Variants in DMPK observed in about 807,000 individuals in gnomAD.
DMPK encodes myotonin-protein kinase.
Under a neutral mutation model 70.3 loss-of-function variants are expected in DMPK, and 32 were observed. The observed-to-expected ratio is 0.46, with a 90% CI of 0.34 to 0.61. DMPK has a LOEUF of 0.61. Among genes scored for constraint, DMPK ranks in the 20% least tolerant of loss-of-function variants. The probability of loss-of-function intolerance (pLI) is 0.01; values close to 1 mark genes in which losing one functional copy is unlikely to be tolerated. For synonymous variants in DMPK, 469 were observed against 390.9 expected (o/e 1.20, Z -2.36); for missense variants, 899 against 886.0 (o/e 1.01, Z -0.19).
intron 12 of DMPK, 38 bp from the exon 13 acceptor site, chr19:45,771,434 G>A: frequency 2.5e-6 from 4 of 1,611,270 alleles, no homozygotes; most frequent in South Asian, 1.1e-5. Flanking sequence ...CGCGTGGAGG[G>A]GCGAAGGAGG....
In DMPK at chr19:45,779,444, C is replaced by T. The variant is rs971014143; in HGVS notation, c.331G>A (p.Gly111Ser). ...ACGTCCGCCCAGCCCCTCACCTCGC[C>T]CCTCTTCAGCATGTCCCACTTGTTC... Reference protein sequence around the residue: ...IMNKWDMLKRGEVSCFREERD... With the variant: ...IMNKWDMLKRSEVSCFREERD... Residue 111 changes from glycine to serine, a missense_variant, in exon 3 of 15, where the codon GGC becomes AGC. Coordinates refer to ENST00000291270, the MANE Select transcript of DMPK (RefSeq NM_004409.5). 1.2e-6 allele frequency: 2 copies of T among 1,613,994 alleles called. No homozygotes were observed. Among genetic ancestry groups the T allele is most frequent in the South Asian group, 2.2e-5 (2 of 91,080 alleles).
At chr19:45,780,899 G>T (rs1033280522) in intron 1 of DMPK, among the ~76,000 whole-genome samples, 3 of 151,944 alleles carry the variant, frequency 2.0e-5, no homozygotes, top group Admixed American at 1.3e-4. Context: ...GATGCAGCTC[G>T]GGCCACAAAA....
intron 1 of DMPK, among the ~76,000 whole-genome samples, chr19:45,781,435 T>C (rs1015265616): frequency 6.6e-6 from 1 of 150,386 alleles, no homozygotes; most frequent in Non-Finnish European, 1.5e-5. Context: ...GCTGGAAGGT[T>C]GGAGGCCCTG....
intron 9 of DMPK, 35 bp from the exon 10 acceptor site, chr19:45,772,787 G>T: frequency 7.8e-7 from 1 of 1,277,210 alleles, no homozygotes; most frequent in Non-Finnish European, 1.0e-6. Context: ...GAGGGAGACA[G>T]AATGCTGATT....
chr19:45,772,960 G>A (rs1969559536), intron 9 of DMPK, among the ~76,000 whole-genome samples: 1 of 152,196 alleles, frequency 6.6e-6, no homozygotes, highest in African/African-American at 2.4e-5. Context: ...CCTGGCCTTG[G>A]GCCCCTGGGA....
chr19:45,777,737 A>G lies in DMPK; in HGVS notation c.812T>C (p.Met271Thr). 6.2e-7 allele frequency: 1 copy of G among 1,613,668 alleles called. No homozygotes were observed. The highest frequency in any genetic ancestry group is 8.5e-7 in the Non-Finnish European group (1 of 1,180,014). Reference sequence around the variant, plus strand: ...GTAGAAGGGCGTCTGCCCATAGAACATTTCATAGGCGAATACACCCAGCGC... The same window carrying G: ...GTAGAAGGGCGTCTGCCCATAGAACGTTTCATAGGCGAATACACCCAGCGC... ...WWALGVFAYE[M>T]FYGQTPFYAD... is the part of the protein sequence containing the mutation. Residue 271 changes from methionine to threonine, a missense_variant, in exon 7 of 15, where the codon ATG (methionine) becomes ACG (threonine). Physicochemically the swap from Met to Thr is moderately conservative, Grantham distance 81. This residue lies in a region of DMPK where 195 missense variants were observed against 259.7 expected (regional missense o/e 0.75). Transcript: ENST00000291270. The surrounding 1 kb of genome is among the most constrained non-coding windows in gnomAD (Gnocchi z 6.7).
At chr19:45,773,619 A>G (rs141527316) in intron 9 of DMPK, among the ~76,000 whole-genome samples, 137 of 152,312 alleles carry the variant, frequency 9.0e-4, no homozygotes, top group Non-Finnish European at 1.5e-3. Flanking sequence ...TGTATTTTCT[A>G]ATTTACTTGT....
Position 45,770,511 on chromosome 19 carries a change from G to A in DMPK, c.1867C>T (p.Pro623Ser), listed in dbSNP as rs1189899397. The A allele has an allele frequency of 3.9e-6, 6 of 1,550,448 alleles. No homozygotes were observed. Among genetic ancestry groups the A allele is most frequent in the African/African-American group, 1.4e-5 (1 of 73,152 alleles). ...AGQLTAVWRR[P>S]GAARAP ...GTTCAGGGAGCGCGGGCGGCTCCTG[G>A]GCGGCGCCAGACTGCGGTGAGTTGG... is the stretch of plus-strand genomic sequence containing the variant. Residue 623 changes from proline to serine, a missense_variant, in exon 15 of 15, where the codon CCA becomes TCA. This residue lies in a region of DMPK where 555 missense variants were observed against 483.8 expected (regional missense o/e 1.15). Coordinates refer to ENST00000291270, the MANE Select transcript of DMPK (RefSeq NM_004409.5).
chr19:45,773,353 C>T (rs967232628), intron 9 of DMPK, among the ~76,000 whole-genome samples: 4 of 152,194 alleles, frequency 2.6e-5, no homozygotes, highest in East Asian at 1.9e-4. Flanking sequence ...CCTGACCCAC[C>T]GTTCAGGCCC....
At chr19:45,770,720 T>C in intron 14 of DMPK, 80 bp from the exon 15 acceptor site, 3 of 1,463,850 alleles carry the variant, frequency 2.0e-6, no homozygotes, top group South Asian at 2.6e-5. Context: ...CGCCCATAGG[T>C]GGGCCCGCAC....
Position 45,777,731 on chromosome 19 carries a change from T to C in DMPK, c.818A>G (p.Tyr273Cys), listed in dbSNP as rs1165907157. The change falls in exon 7 of 15, where the codon TAT becomes TGT. Residue 273 changes from tyrosine (Y) to cysteine (C), a missense_variant. Around this residue, in one of 3 missense-constraint regions of DMPK, gnomAD observed 195 missense variants for 259.7 expected, o/e 0.75. Transcript: ENST00000291270. The surrounding 1 kb of genome is among the most constrained non-coding windows in gnomAD (Gnocchi z 6.7). ...ALGVFAYEMFYGQTPFYADST... is the reference protein window; with the variant it reads ...ALGVFAYEMFCGQTPFYADST... ...ATCCGCGTAGAAGGGCGTCTGCCCATAGAACATTTCATAGGCGAATACACC... is the reference window on the plus strand; with the variant it reads ...ATCCGCGTAGAAGGGCGTCTGCCCACAGAACATTTCATAGGCGAATACACC... 12 of 1,613,802 alleles carry C rather than the reference T, an allele frequency of 7.4e-6. No homozygotes were observed. Among genetic ancestry groups the C allele is most frequent in the South Asian group, 5.5e-5 (5 of 91,088 alleles).
chr19:45,780,615 G>T, intron 1 of DMPK: 1 of 1,013,196 alleles, frequency 9.9e-7, no homozygotes, highest in Non-Finnish European at 1.2e-6. Context: ...CAGGGACTGT[G>T]GGGACAGGGA....
intron 12 of DMPK, 78 bp downstream of exon 12, chr19:45,771,490 G>T: frequency 6.2e-7 from 1 of 1,610,462 alleles, no homozygotes; most frequent in Non-Finnish European, 8.5e-7. Context: ...CCTCCTCCAG[G>T]TGTCTATACA....
Position 45,777,252 on chromosome 19 carries a change from C to T in DMPK, c.1146+75G>A. ...GTGATTCAGGACCCCAGAAGGTAGG[C>T]ACTGTCCTTACTCCAACTTTATGGA... is the stretch of plus-strand genomic sequence containing the variant. On this transcript the variant is annotated intron_variant, in intron 8 of 14. Coordinates refer to ENST00000291270, the MANE Select transcript of DMPK (RefSeq NM_004409.5). This position sits in a 1 kb window ranked among gnomAD's most constrained non-coding sequence, Gnocchi z 6.7. The T allele has an allele frequency of 1.4e-6, 2 of 1,468,396 alleles. No individual in the cohort carries two copies. The highest frequency in any genetic ancestry group is 9.0e-7 in the Non-Finnish European group (1 of 1,110,822). The allele number at this position is 1,468,396 out of a possible 1,614,324, so 91.0% of individuals were successfully genotyped here. A position where few individuals can be genotyped will look rare whatever the true frequency, so the allele number is the denominator to read the frequency against.
intron 1 of DMPK, among the ~76,000 whole-genome samples, chr19:45,781,975 T>C (rs1389133811): frequency 6.6e-6 from 1 of 152,110 alleles, no homozygotes; most frequent in Admixed American, 6.5e-5. Context: ...ACAGCCACCC[T>C]AGCCTCTGCT....
Position 45,774,930 on chromosome 19 carries a change from C to A in DMPK, c.1232+19G>T. 6.2e-7 allele frequency: 1 copy of A among 1,608,732 alleles called. No homozygotes were observed. The highest frequency in any genetic ancestry group is 8.5e-7 in the Non-Finnish European group (1 of 1,175,622). ...AAGCAGCCTCGTGGCCCCTGGAGGC[C>A]GTCCAGGGCAGTGCTTACCTGAGGG... On this transcript the variant is annotated intron_variant, in intron 9 of 14. Transcript: ENST00000291270.
intron 2 of DMPK, 125 bp from the exon 3 acceptor site, chr19:45,779,647 G>A (rs1970005708): frequency 6.4e-7 from 1 of 1,554,742 alleles, no homozygotes; most frequent in Middle Eastern, 2.4e-4. Flanking sequence ...ACGCCCATTG[G>A]TCCCAAGCCC....
chr19:45,779,567 A>G lies in DMPK; in HGVS notation c.253-45T>C, dbSNP rs113711374. On this transcript the variant is annotated intron_variant, in intron 2 of 14. Coordinates refer to ENST00000291270, the MANE Select transcript of DMPK (RefSeq NM_004409.5). ...ACAGAGTGGAGACGGCGGGAAAACA[A>G]AAGGGCTCGCCCAGACCCAACTCCA... 2.0e-3 allele frequency: 3,270 copies of G among 1,610,550 alleles called. 75 individuals are homozygous for G. The African/African-American group carries it at 0.04, about 20-fold the overall frequency.
chr19:45,771,389 C>T lies in DMPK; in HGVS notation c.1608G>A (p.Thr536=), dbSNP rs1215373469. ...CCGTGGCCCGGGGACTGGGGACCCC[C>T]GTGACAGCTGGAAGGAGAAGAAAGA... ...LLQAEGATAV[T]GVPSPRATDP... Residue 536 remains threonine (T), a synonymous_variant, in exon 13 of 15, where the codon ACG becomes ACA. Transcript: ENST00000291270. 1.2e-6 allele frequency: 2 copies of T among 1,606,244 alleles called. No homozygotes were observed. The highest frequency in any genetic ancestry group is 2.7e-5 in the African/African-American group (2 of 74,246).
Sources: gnomAD v4.1 joint callset for allele counts (sites outside exome capture counted in the v4.1 genomes callset) on GRCh38, gnomAD v4.1.1 for gene constraint, gnomAD v4.1.1 regional missense constraint, Gnocchi (gnomAD v3.1) non-coding constraint, MANE v1.5 for transcripts, NCBI Gene and HGNC (gene_info 2026-07-23, HGNC 2026-07-21) for gene names.